The following SPTBN5 variants were observed in gnomAD, a reference collection of about 807,000 sequenced individuals.
The protein encoded by SPTBN5 is spectrin beta chain, non-erythrocytic 5.
SPTBN5 carries 513 observed loss-of-function variants against 477.6 expected under a neutral mutation model. The ratio of observed to expected loss-of-function variants is 1.07; its 90% confidence interval spans 1.00 to 1.16. The LOEUF (loss-of-function observed/expected upper bound fraction) is 1.16, where lower values mean the gene tolerates loss of function less well. SPTBN5 is among the 50% of genes most tolerant of loss of function. The probability of loss-of-function intolerance (pLI) is 0.00; values close to 1 mark genes in which losing one functional copy is unlikely to be tolerated. For missense variants in SPTBN5, 5,062 were observed against 4,731.8 expected (o/e 1.07, Z -2.05); for synonymous variants, 2,169 against 2,011.7 (o/e 1.08, Z -2.09).
In SPTBN5 at chr15:41,867,078, G is replaced by T; in HGVS notation, c.6361C>A (p.Arg2121=). 1 of 1,546,646 alleles carries T rather than the reference G, an allele frequency of 6.5e-7. No homozygotes were observed. ...TGCAGCAGGATGGGAAGCCGGTCCC[G>T]CACCCGGGGGCGCCGGAGCGTCTTC... ...RLKTLRRPRV[R]DRLPILLQRR... Residue 2121 remains arginine, a synonymous_variant, in exon 36 of 68, where the codon CGG becomes AGG. Transcript: ENST00000320955.
At chr15:41,865,313 C>A (rs1264106291) in intron 39 of SPTBN5, among the ~76,000 whole-genome samples, 3 of 152,192 alleles carry the variant, frequency 2.0e-5, no homozygotes, top group Non-Finnish European at 4.4e-5. Flanking sequence ...CACATCCAGG[C>A]ATATGTCCTA....
chr15:41,871,863 C>T lies in SPTBN5; in HGVS notation c.5220G>A (p.Glu1740=), dbSNP rs1337769453. ...LRLHEFLREA[E]DLQGWLASQK... is the part of the protein sequence containing the mutation. The stretch of plus-strand genomic sequence containing the variant: ...GGCTTGCCAGCCAGCCCTGCAGGTC[C>T]TCAGCCTCCCTCAGGAACTCATGCA... The change falls in exon 28 of 68, where the codon GAG becomes GAA. Residue 1740 remains glutamate (E), a synonymous_variant. Coordinates refer to ENST00000320955, the MANE Select transcript of SPTBN5 (RefSeq NM_016642.4). 1 of 1,585,652 alleles carries T rather than the reference C, an allele frequency of 6.3e-7. No individual in the cohort carries two copies. Among genetic ancestry groups the T allele is most frequent in the Non-Finnish European group, 8.6e-7 (1 of 1,166,414 alleles).
chr15:41,871,298 T>C, intron 29 of SPTBN5, 77 bp downstream of exon 29: 1 of 1,325,410 alleles, frequency 7.5e-7, no homozygotes, highest in Non-Finnish European at 9.7e-7. Context: ...CATGCCATCC[T>C]CTCTTACCAC....
In SPTBN5 at chr15:41,887,400, G is replaced by A. The variant is rs1486889308; in HGVS notation, c.701C>T (p.Pro234Leu). The part of the protein sequence containing the change: ...LDYGSLRPDR[P>L]LHNLAFAFLV... ...GAAAGCAAAAGCAAGGTTGTGCAGT[G>A]GGCGGTCTGGACGCAGGGAGCCGTA... Residue 234 changes from proline (P) to leucine (L), a missense_variant, in exon 6 of 68, where the codon CCA becomes CTA. Transcript: ENST00000320955. 1.3e-6 allele frequency: 2 copies of A among 1,554,004 alleles called. No individual in the cohort carries two copies. Among genetic ancestry groups the A allele is most frequent in the Admixed American group, 3.9e-5 (2 of 51,308 alleles).
In SPTBN5 at chr15:41,853,001, C is replaced by G. The variant is rs1382284318; in HGVS notation, c.10171-1G>C. 1 of 1,527,894 alleles carries G rather than the reference C, an allele frequency of 6.5e-7. No homozygotes were observed. The highest frequency in any genetic ancestry group is 8.8e-7 in the Non-Finnish European group (1 of 1,136,408). 94.6% of individuals were successfully genotyped at this position (1,527,894 alleles called of 1,614,324 possible). A position where few individuals can be genotyped will look rare whatever the true frequency, so the allele number is the denominator to read the frequency against. ...CCAGCTCCTGCAGGCACTCTGTCAC[C>G]TGGTGGGGAGGGGCTGCTATGGGTG... is the stretch of plus-strand genomic sequence containing the variant. On this transcript the variant is annotated splice_acceptor_variant, in intron 59 of 67. Coordinates refer to ENST00000320955, the MANE Select transcript of SPTBN5 (RefSeq NM_016642.4). LOFTEE classifies it high-confidence loss of function.
chr15:41,861,780 G>T lies in SPTBN5; in HGVS notation c.7692C>A (p.Ala2564=). 1 of 1,559,896 alleles carries T rather than the reference G, an allele frequency of 6.4e-7. No individual in the cohort carries two copies. The highest frequency in any genetic ancestry group is 2.4e-5 in the East Asian group (1 of 42,136). ...LEQELSSLEG[A]WQEHQLQLQQ... Reference sequence around the variant, plus strand: ...GCAGCTGTAGCTGATGCTCCTGCCAGGCCCCTTCCAGGCTGCTCAGCTCCT... The same window carrying T: ...GCAGCTGTAGCTGATGCTCCTGCCATGCCCCTTCCAGGCTGCTCAGCTCCT... Residue 2564 remains alanine (A), a synonymous_variant, in exon 45 of 68, where the codon GCC becomes GCA. Transcript: ENST00000320955.
chr15:41,859,083 A>C (rs2066015814), intron 47 of SPTBN5, 103 bp from the exon 48 acceptor site: 2 of 895,548 alleles, frequency 2.2e-6, no homozygotes, highest in South Asian at 4.2e-5. Flanking sequence ...CTGAGTCTGG[A>C]GTTTCCTTTG....
chr15:41,867,492 C>T (rs1195713895), intron 35 of SPTBN5, 46 bp downstream of exon 35: 2 of 1,580,894 alleles, frequency 1.3e-6, no homozygotes, highest in African/African-American at 1.3e-5. Context: ...GGACTCTCTC[C>T]CAACCACCAC....
chr15:41,867,254 T>C, intron 35 of SPTBN5, 128 bp from the exon 36 acceptor site: 1 of 1,135,456 alleles, frequency 8.8e-7, no homozygotes, highest in Non-Finnish European at 1.2e-6. Flanking sequence ...CTGAGGGGTA[T>C]CTGATCCTCC....
At position 41,868,582 on chromosome 15, in the gene SPTBN5, C is replaced by T. The variant is rs1290721270; in HGVS notation, c.5873G>A (p.Trp1958Ter). 3 of 1,600,260 alleles carry T rather than the reference C, an allele frequency of 1.9e-6. No individual in the cohort carries two copies. The highest frequency in any genetic ancestry group is 1.1e-5 in the South Asian group (1 of 91,072). ...FRTAVRDYASWAARVRQDLQV... is the reference protein window; with the variant it reads ...FRTAVRDYAS The stretch of plus-strand genomic sequence containing the variant: ...CAGGTCCTGGCGCACGCGGGCTGCC[C>T]AGGAGGCATAGTCACGCACCTGATC... The change falls in exon 33 of 68, where the codon TGG becomes TAG. Residue 1958 changes from tryptophan to a stop codon, truncating the protein, a stop_gained. Transcript: ENST00000320955. LOFTEE classifies it high-confidence loss of function.
At chr15:41,861,601 G>A in intron 45 of SPTBN5, 105 bp from the exon 46 acceptor site, 1 of 1,519,650 alleles carries the variant, frequency 6.6e-7, no homozygotes, top group Non-Finnish European at 9.0e-7. Flanking sequence ...GTCCTGGAAG[G>A]CAGGAGTGCT....
intron 29 of SPTBN5, 46 bp from the exon 30 acceptor site, chr15:41,870,606 C>G: frequency 2.6e-6 from 4 of 1,510,960 alleles, no homozygotes; most frequent in Non-Finnish European, 3.6e-6. Context: ...GCTGCCGGGC[C>G]GTGTCATTCC....
chr15:41,874,757 A>G, intron 23 of SPTBN5, 85 bp downstream of exon 23: 1 of 1,374,764 alleles, frequency 7.3e-7, no homozygotes, highest in South Asian at 1.4e-5. Context: ...AGGTCTGGAC[A>G]CCCCGGTCCT....
chr15:41,879,556 G>A (rs2066876434), intron 15 of SPTBN5, 57 bp from the exon 16 acceptor site: 1 of 1,518,096 alleles, frequency 6.6e-7, no homozygotes. Flanking sequence ...ATCCATCCGG[G>A]AGCCTTGGCC....
intron 23 of SPTBN5, 84 bp downstream of exon 23, chr15:41,874,757 AC>A: frequency 7.3e-7 from 1 of 1,374,760 alleles, no homozygotes; most frequent in Non-Finnish European, 9.9e-7. Context: ...AGGTCTGGAC[AC>A]CCCGGTCCTG....
chr15:41,861,384 T>G, intron 46 of SPTBN5, 35 bp downstream of exon 46: 1 of 1,576,012 alleles, frequency 6.3e-7, no homozygotes, highest in Non-Finnish European at 8.7e-7. Context: ...GCTCTGGTAA[T>G]TCCCCCCTCC....
Position 41,870,533 on chromosome 15 carries a change from C to A in SPTBN5, c.5475G>T (p.Leu1825=). 6.2e-7 allele frequency: 1 copy of A among 1,610,260 alleles called. No individual in the cohort carries two copies. The highest frequency in any genetic ancestry group is 1.1e-5 in the South Asian group (1 of 91,022). ...LQTAWSELWE[L]TQARGHALRD... is the part of the protein sequence containing the mutation. Reference sequence around the variant, plus strand: ...GGAGCGCGTGGCCTCGGGCCTGGGTCAGCTCCCACAGCTCCGACCAGGCGG... The same window carrying A: ...GGAGCGCGTGGCCTCGGGCCTGGGTAAGCTCCCACAGCTCCGACCAGGCGG... The change falls in exon 30 of 68, where the codon CTG becomes CTT. Residue 1825 remains leucine, a synonymous_variant. Coordinates refer to ENST00000320955, the MANE Select transcript of SPTBN5 (RefSeq NM_016642.4).
Position 41,851,308 on chromosome 15 carries a change from A to G in SPTBN5, c.10718T>C (p.Phe3573Ser). The change falls in exon 64 of 68, where the codon TTC becomes TCC. Residue 3573 changes from phenylalanine to serine, a missense_variant. By Grantham distance (155) the Phe-to-Ser change is radical (BLOSUM62 -2). Coordinates refer to ENST00000320955, the MANE Select transcript of SPTBN5 (RefSeq NM_016642.4). ...GNLQGSSLSL[F>S]LDERMAAEKV... Reference sequence around the variant, plus strand: ...CTCCGCTGCCATCCTCTCATCCAGGAACAGGCTCAGAGAGCTGCCCTGCAA... The same window carrying G: ...CTCCGCTGCCATCCTCTCATCCAGGGACAGGCTCAGAGAGCTGCCCTGCAA... 1 of 1,551,134 alleles carries G rather than the reference A, an allele frequency of 6.4e-7. No homozygotes were observed. The highest frequency in any genetic ancestry group is 8.7e-7 in the Non-Finnish European group (1 of 1,146,964).
chr15:41,852,987 A>G lies in SPTBN5; in HGVS notation c.10184T>C (p.Leu3395Pro). The change falls in exon 60 of 68, where the codon CTG (leucine) becomes CCG (proline). Residue 3395 changes from leucine to proline, a missense_variant. By Grantham distance (98) the Leu-to-Pro change is moderately conservative (BLOSUM62 -3). Transcript: ENST00000320955. ...CTGCAGCCGCCCTTCCAGCTCCTGCAGGCACTCTGTCACCTGGTGGGGAGG... is the reference window on the plus strand; with the variant it reads ...CTGCAGCCGCCCTTCCAGCTCCTGCGGGCACTCTGTCACCTGGTGGGGAGG... ...HFMSAEVTEC[L>P]QELEGRLQEL... 1 of 1,544,464 alleles carries G rather than the reference A, an allele frequency of 6.5e-7. No individual in the cohort carries two copies. Among genetic ancestry groups the G allele is most frequent in the Non-Finnish European group, 8.7e-7 (1 of 1,144,840 alleles).
Sources: allele counts gnomAD v4.1 joint callset (sites outside exome capture counted in the v4.1 genomes callset), GRCh38; gene constraint gnomAD v4.1.1; transcripts MANE v1.5; gene names NCBI Gene and HGNC (gene_info 2026-07-23, HGNC 2026-07-21).